The following DOCK1 variants were observed in gnomAD, a reference collection of about 807,000 sequenced individuals.
DOCK1 encodes the protein dedicator of cytokinesis protein 1.
A neutral mutation model predicts 262.7 loss-of-function variants in DOCK1; 138 were observed. The observed-to-expected ratio is 0.53, with a 90% CI of 0.46 to 0.61. The LOEUF (loss-of-function observed/expected upper bound fraction) is 0.61. Ranked by LOEUF, DOCK1 falls within the 20% of genes least tolerant of loss-of-function variation. The pLI is 0.00. For missense variants in DOCK1, 1,908 were observed against 2,370.7 expected (o/e 0.80, Z 4.05); for synonymous variants, 866 against 867.4 (o/e 1.00, Z 0.03).
intron 29 of DOCK1, among the ~76,000 whole-genome samples, chr10:127,326,541 C>T (rs955314370): frequency 2.0e-5 from 3 of 152,196 alleles, no homozygotes; most frequent in African/African-American, 7.2e-5. Flanking sequence ...TTCTAGTTCT[C>T]TGCTATTTCC....
intron 29 of DOCK1, among the ~76,000 whole-genome samples, chr10:127,313,567 G>C (rs980606048): frequency 6.6e-6 from 1 of 152,150 alleles, no homozygotes; most frequent in Non-Finnish European, 1.5e-5. Flanking sequence ...GCTTGCTTTA[G>C]ACCTAACCGT....
At chr10:127,054,121 C>T (rs556275534) in intron 22 of DOCK1, among the ~76,000 whole-genome samples, 1 of 152,326 alleles carries the variant, frequency 6.6e-6, no homozygotes, top group South Asian at 2.1e-4. Flanking sequence ...GTTTCCTCCT[C>T]ACTGTGTTTT....
At position 127,418,481 on chromosome 10, in the gene DOCK1, C is replaced by T; in HGVS notation, c.4632C>T (p.Ser1544=). ...DDPSLPINPL[S]MLLNGIVDPA... is the part of the protein sequence containing the mutation. ...CCAGCCTGCCCATCAACCCGCTCTC[C>T]ATGCTCCTGAACGGCATCGTGGACC... is the stretch of plus-strand genomic sequence containing the variant. Residue 1544 remains serine (S), a synonymous_variant, in exon 45 of 52, where the codon TCC becomes TCT. Coordinates refer to ENST00000623213, the MANE Select transcript of DOCK1 (RefSeq NM_001290223.2). The T allele has an allele frequency of 6.2e-7, 1 of 1,614,156 alleles. No homozygotes were observed. The highest frequency in any genetic ancestry group is 1.1e-5 in the South Asian group (1 of 91,082).
intron 27 of DOCK1, among the ~76,000 whole-genome samples, chr10:127,215,460 G>A (rs533469370): frequency 4.6e-5 from 7 of 152,250 alleles, no homozygotes; most frequent in South Asian, 4.1e-4. Context: ...ACGGATAGCC[G>A]GGGCATCTAA....
At chr10:127,219,968 T>G (rs921548423) in intron 27 of DOCK1, among the ~76,000 whole-genome samples, 1 of 152,146 alleles carries the variant, frequency 6.6e-6, no homozygotes, top group Non-Finnish European at 1.5e-5. Flanking sequence ...AGATTGAGAA[T>G]CTACAGTTTT....
rs575041585 is a variant in DOCK1, at chr10:127,077,360, A to G, written c.2445+15584A>G. 7.2e-5 allele frequency among the ~76,000 whole-genome samples: 11 copies of G among 152,236 alleles called. No homozygotes were observed. The South Asian group carries it at 2.1e-3, about 29-fold the overall frequency. On this transcript the variant is annotated intron_variant, in intron 23 of 51. Transcript: ENST00000623213. ...CAGTCAGCCGAGATTGCACCACTGCACTCCAGCCTAGGTGACAGAGCGAGA... is the reference window on the plus strand; with the variant it reads ...CAGTCAGCCGAGATTGCACCACTGCGCTCCAGCCTAGGTGACAGAGCGAGA...
rs933615711 is a variant in DOCK1, at chr10:127,437,690, G to A, written c.5061-1337G>A. Among the ~76,000 whole-genome samples the A allele has an allele frequency of 6.6e-6, 1 of 152,098 alleles. No individual in the cohort carries two copies. Among genetic ancestry groups the A allele is most frequent in the Non-Finnish European group, 1.5e-5 (1 of 68,014 alleles). ...GACTGGATCTTGCCATGTTGGCCAG[G>A]CTGGTCTCGAACTCCTGAGCTCAAA... is the stretch of plus-strand genomic sequence containing the variant. On this transcript the variant is annotated intron_variant, in intron 48 of 51. Coordinates refer to ENST00000623213, the MANE Select transcript of DOCK1 (RefSeq NM_001290223.2). This position sits in a 1 kb window ranked among gnomAD's most constrained non-coding sequence, Gnocchi z 4.4.
chr10:127,217,423 G>A (rs149100096), intron 27 of DOCK1, among the ~76,000 whole-genome samples: 2,327 of 152,326 alleles, frequency 0.015, 40 homozygotes, highest in South Asian at 0.094. Flanking sequence ...CCTATCATGT[G>A]TATTGGCAGT....
chr10:127,248,242 T>G, intron 28 of DOCK1, 133 bp downstream of exon 28: 2 of 829,222 alleles, frequency 2.4e-6, no homozygotes, highest in Non-Finnish European at 3.8e-6. Flanking sequence ...TTCAAATGCC[T>G]CCTGGGAAGG....
At chr10:127,311,417 T>C (rs1300137555) in intron 29 of DOCK1, among the ~76,000 whole-genome samples, 1 of 152,226 alleles carries the variant, frequency 6.6e-6, no homozygotes, top group Non-Finnish European at 1.5e-5. Context: ...TGCAGTACAC[T>C]TAGGGCATCC....
At chr10:127,085,764 A>G (rs906037478) in intron 23 of DOCK1, among the ~76,000 whole-genome samples, 2 of 152,180 alleles carry the variant, frequency 1.3e-5, no homozygotes, top group East Asian at 1.9e-4. Flanking sequence ...CTAAAAAAAA[A>G]GAAAAAGAAA....
chr10:127,051,289 TGTC>T (rs1252495004), intron 21 of DOCK1, among the ~76,000 whole-genome samples: 2 of 152,078 alleles, frequency 1.3e-5, no homozygotes, highest in Non-Finnish European at 2.9e-5. Context: ...TATTAGGAAA[TGTC>T]AATATTTTAA....
chr10:127,312,489 T>C (rs1286642464), intron 29 of DOCK1, among the ~76,000 whole-genome samples: 3 of 152,118 alleles, frequency 2.0e-5, no homozygotes, highest in Non-Finnish European at 2.9e-5. Context: ...GCCCAATGAA[T>C]TGGGATGGTC....
intron 6 of DOCK1, among the ~76,000 whole-genome samples, chr10:126,992,779 C>G (rs1275072200): frequency 2.4e-4 from 32 of 135,506 alleles, no homozygotes; most frequent in African/African-American, 8.2e-4. Flanking sequence ...GACACAGACA[C>G]ACACACACAG....
chr10:127,122,676 G>A (rs540144575), intron 25 of DOCK1, among the ~76,000 whole-genome samples: 38 of 148,838 alleles, frequency 2.6e-4, no homozygotes, highest in African/African-American at 9.1e-4. Flanking sequence ...TGAATGAAAT[G>A]TCTGTATTGG....
chr10:126,924,061 GTA>G lies in DOCK1; in HGVS notation c.46+18499_46+18500del, dbSNP rs113793728. On this transcript the variant is annotated intron_variant, in intron 1 of 51. Coordinates refer to ENST00000623213, the MANE Select transcript of DOCK1 (RefSeq NM_001290223.2). ...GCCCGAACAGAGGTAGATACCATGT[GTA>G]GAGAGAAACAGGCAGAGAAATAGGA... Among the ~76,000 whole-genome samples, 597 of 152,304 alleles carry G rather than the reference GTA, an allele frequency of 3.9e-3. 8 individuals are homozygous for G. The highest frequency in any genetic ancestry group is 0.013 in the African/African-American group (540 of 41,556).
At chr10:127,315,610 G>A (rs2062241749) in intron 29 of DOCK1, among the ~76,000 whole-genome samples, 1 of 152,142 alleles carries the variant, frequency 6.6e-6, no homozygotes, top group African/African-American at 2.4e-5. Flanking sequence ...TTTTGTTAGG[G>A]CAGCCCCAAC....
intron 33 of DOCK1, among the ~76,000 whole-genome samples, chr10:127,362,561 C>T (rs957544119): frequency 5.3e-5 from 8 of 152,142 alleles, no homozygotes; most frequent in Admixed American, 2.6e-4. Context: ...TCTCTCAGAC[C>T]GGCTGCTTAT....
chr10:127,024,182 G>C (rs2042654484), intron 14 of DOCK1, among the ~76,000 whole-genome samples: 1 of 152,188 alleles, frequency 6.6e-6, no homozygotes, highest in Admixed American at 6.5e-5. Flanking sequence ...GTGTCGCCAA[G>C]AGAAGCATTA....
Sources: gnomAD v4.1 joint callset for allele counts (sites outside exome capture counted in the v4.1 genomes callset) on GRCh38, gnomAD v4.1.1 for gene constraint, Gnocchi (gnomAD v3.1) non-coding constraint, MANE v1.5 for transcripts, NCBI Gene and HGNC (gene_info 2026-07-23, HGNC 2026-07-21) for gene names.